Variants in FBXO34 observed in about 807,000 individuals in gnomAD.
FBXO34 encodes the protein F-box only protein 34.
FBXO34 carries 12 observed loss-of-function variants against 24.5 expected under a neutral mutation model. The observed-to-expected ratio is 0.49, with a 90% CI of 0.31 to 0.79. The LOEUF (loss-of-function observed/expected upper bound fraction) is 0.79, where lower values mean the gene tolerates loss of function less well. Ranked by LOEUF, FBXO34 falls within the 30% of genes least tolerant of loss-of-function variation. The probability of loss-of-function intolerance (pLI) is 0.04; values close to 1 mark genes in which losing one functional copy is unlikely to be tolerated. For synonymous variants in FBXO34, 320 were observed against 311.9 expected (o/e 1.03, Z -0.27); for missense variants, 823 against 857.7 (o/e 0.96, Z 0.51).
chr14:55,366,206 T>C (rs74745103), downstream of FBXO34, among the ~76,000 whole-genome samples: 1 of 152,172 alleles, frequency 6.6e-6, no homozygotes, highest in African/African-American at 2.4e-5. Context: ...GGAAAGATCA[T>C]TGTTAATACC....
the FBXO34 span, among the ~76,000 whole-genome samples, chr14:55,433,309 CTTTT>C: frequency 1.8e-4 from 22 of 119,882 alleles, no homozygotes; most frequent in Middle Eastern, 4.3e-3. Context: ...TTAGATTTCT[CTTTT>C]TTTTTTTTTT....
At chr14:55,415,296 G>A in the FBXO34 span, among the ~76,000 whole-genome samples, 1 of 152,202 alleles carries the variant, frequency 6.6e-6, no homozygotes, top group East Asian at 1.9e-4. Flanking sequence ...CTGTTAGCAT[G>A]AAGAGAAATG....
Position 55,351,363 on chromosome 14 carries a change from G to A in FBXO34, c.973G>A (p.Glu325Lys), listed in dbSNP as rs754295891. Residue 325 changes from glutamate to lysine, a missense_variant, in exon 2 of 2, where the codon GAA becomes AAA. This residue lies in a region of FBXO34 where 693 missense variants were observed against 659.1 expected (regional missense o/e 1.05). Transcript: ENST00000313833. Reference protein sequence around the residue: ...VLLANSTQADEGKTKKGVLEA... With the variant: ...VLLANSTQADKGKTKKGVLEA... ...GCTTGCAAATAGCACTCAGGCTGATGAAGGCAAAACAAAGAAAGGCGTCTT... is the reference window on the plus strand; with the variant it reads ...GCTTGCAAATAGCACTCAGGCTGATAAAGGCAAAACAAAGAAAGGCGTCTT... 2 of 1,614,214 alleles carry A rather than the reference G, an allele frequency of 1.2e-6. No homozygotes were observed. The highest frequency in any genetic ancestry group is 2.2e-5 in the South Asian group (2 of 91,074).
chr14:55,320,740 G>A (rs1236796786), intron 1 of FBXO34, among the ~76,000 whole-genome samples: 1 of 152,208 alleles, frequency 6.6e-6, no homozygotes, highest in Non-Finnish European at 1.5e-5. Flanking sequence ...CTGTGTGACA[G>A]AGCAAGACTC....
the FBXO34 span, among the ~76,000 whole-genome samples, chr14:55,437,463 G>A: frequency 3.9e-5 from 6 of 152,338 alleles, no homozygotes; most frequent in East Asian, 7.7e-4. Context: ...GGGTATCAGA[G>A]CGAGACTCCA....
intron 1 of FBXO34, among the ~76,000 whole-genome samples, chr14:55,315,568 C>G (rs1393838532): frequency 6.6e-6 from 1 of 152,172 alleles, no homozygotes; most frequent in African/African-American, 2.4e-5. Context: ...CTTTGAGATC[C>G]TAATAGGCTG....
downstream of FBXO34, among the ~76,000 whole-genome samples, chr14:55,371,769 A>G (rs970742677): frequency 6.6e-6 from 1 of 151,394 alleles, no homozygotes; most frequent in Admixed American, 6.6e-5. Context: ...GCGCCAGTGC[A>G]CTCTAGCCTG....
the FBXO34 span, among the ~76,000 whole-genome samples, chr14:55,383,693 C>T: frequency 6.6e-6 from 1 of 151,856 alleles, no homozygotes. Context: ...TGCTTGAGCT[C>T]ACGAATGGTG....
At chr14:55,381,096 C>T in the FBXO34 span, among the ~76,000 whole-genome samples, 1 of 151,946 alleles carries the variant, frequency 6.6e-6, no homozygotes, top group Middle Eastern at 3.2e-3. Context: ...AGGATGCTCC[C>T]CTAGTTCCTT....
the FBXO34 span, among the ~76,000 whole-genome samples, chr14:55,432,903 C>A: frequency 6.6e-6 from 1 of 152,144 alleles, no homozygotes; most frequent in South Asian, 2.1e-4. Flanking sequence ...GCCTCCTGAG[C>A]TAATGCAAGC....
chr14:55,435,965 A>G, the FBXO34 span: 1 of 1,343,302 alleles, frequency 7.4e-7, no homozygotes, highest in Non-Finnish European at 1.0e-6. Context: ...AGAAACTTAT[A>G]TCAGATATAA....
downstream of FBXO34, among the ~76,000 whole-genome samples, chr14:55,372,216 C>G (rs1884834726): frequency 6.6e-6 from 1 of 152,108 alleles, no homozygotes; most frequent in Non-Finnish European, 1.5e-5. Context: ...ACCAGGGCTA[C>G]CTGTTATCAT....
the FBXO34 span, chr14:55,428,808 T>A: frequency 1.2e-6 from 2 of 1,613,914 alleles, no homozygotes; most frequent in South Asian, 2.2e-5. Flanking sequence ...CCGTCATACC[T>A]ACTGAACTGC....
At position 55,330,643 on chromosome 14, in the gene FBXO34, T is replaced by C. The variant is rs113943555; in HGVS notation, c.-10-19738T>C. ...AAAAAAAATTAAAGTAAAAAAAAATTAGCTGGGAGTGGTGGTATATGCTTG... is the reference window on the plus strand; with the variant it reads ...AAAAAAAATTAAAGTAAAAAAAAATCAGCTGGGAGTGGTGGTATATGCTTG... On this transcript the variant is annotated intron_variant, in intron 1 of 1. Coordinates refer to ENST00000313833, the MANE Select transcript of FBXO34 (RefSeq NM_017943.4). Among the ~76,000 whole-genome samples the C allele has an allele frequency of 3.9e-3, 600 of 152,048 alleles. 4 individuals are homozygous for C. The highest frequency in any genetic ancestry group is 0.017 in the Middle Eastern group (5 of 294).
chr14:55,428,852 G>A, the FBXO34 span: 1 of 1,614,112 alleles, frequency 6.2e-7, no homozygotes, highest in Non-Finnish European at 8.5e-7. Context: ...CAGCCTGATG[G>A]GAAATCTCAC....
the FBXO34 span, among the ~76,000 whole-genome samples, chr14:55,417,354 T>C: frequency 6.6e-6 from 1 of 151,000 alleles, no homozygotes; most frequent in Non-Finnish European, 1.5e-5. Context: ...ATCAAAAGTT[T>C]AAGGGAACCT....
At chr14:55,281,370 A>T (rs899556581) in intron 1 of FBXO34, among the ~76,000 whole-genome samples, 5 of 152,018 alleles carry the variant, frequency 3.3e-5, no homozygotes, top group African/African-American at 7.2e-5. Context: ...TAGACCAATG[A>T]TCATTGTGAA....
chr14:55,330,724 G>C (rs1254342745), intron 1 of FBXO34, among the ~76,000 whole-genome samples: 1 of 152,112 alleles, frequency 6.6e-6, no homozygotes. Flanking sequence ...CTGGGAGTTC[G>C]AGGCTGCAGT....
chr14:55,378,099 A>G, the FBXO34 span: 5 of 1,598,470 alleles, frequency 3.1e-6, no homozygotes, highest in Non-Finnish European at 4.3e-6. Context: ...TACAATTTAT[A>G]AAGTTGCATT....
Sources: gnomAD v4.1 joint callset for allele counts (sites outside exome capture counted in the v4.1 genomes callset) on GRCh38, gnomAD v4.1.1 for gene constraint, gnomAD v4.1.1 regional missense constraint, MANE v1.5 for transcripts, NCBI Gene and HGNC (gene_info 2026-07-23, HGNC 2026-07-21) for gene names.